Variants in SYNPO2 observed in about 807,000 individuals in gnomAD.
SYNPO2 encodes the protein synaptopodin 2, also known as synaptopodin-2.
In SYNPO2, 56 loss-of-function variants were observed where a neutral mutation model predicts 85.0. The observed-to-expected ratio is 0.66, with a 90% CI of 0.53 to 0.82. The LOEUF is 0.82. SYNPO2 is among the 40% of genes least tolerant of loss of function. SYNPO2 has a pLI of 0.00. For synonymous variants in SYNPO2, 602 were observed against 591.1 expected, an observed-to-expected ratio of 1.02 and a Z score of -0.27; for missense variants, 1,575 against 1,534.2, an observed-to-expected ratio of 1.03 and a Z score of -0.44.
chr4:118,930,639 G>GT (rs1441920492), intron 1 of SYNPO2, among the ~76,000 whole-genome samples: 1 of 151,778 alleles, frequency 6.6e-6, no homozygotes, highest in Non-Finnish European at 1.5e-5. Context: ...CATATGCTGG[G>GT]TGAGGTGGCT....
chr4:119,015,107 T>G (rs1737477973), intron 1 of SYNPO2, among the ~76,000 whole-genome samples: 3 of 152,214 alleles, frequency 2.0e-5, no homozygotes, highest in African/African-American at 7.2e-5. Context: ...ATGTATCTTA[T>G]ATGTATTATA....
intron 2 of SYNPO2, 44 bp downstream of exon 2, chr4:119,023,625 A>T: frequency 6.3e-7 from 1 of 1,585,530 alleles, no homozygotes; most frequent in Non-Finnish European, 8.6e-7. Context: ...TTGAAGCTAC[A>T]TGGGAATGAT....
intron 1 of SYNPO2, among the ~76,000 whole-genome samples, chr4:118,909,908 G>A (rs770222539): frequency 8.5e-5 from 13 of 152,116 alleles, no homozygotes; most frequent in Non-Finnish European, 1.2e-4. Context: ...AGACGACACC[G>A]CAGTTGTACA....
intron 1 of SYNPO2, among the ~76,000 whole-genome samples, chr4:118,879,257 A>G (rs548793493): frequency 2.0e-5 from 3 of 152,188 alleles, no homozygotes; most frequent in South Asian, 2.1e-4. Context: ...CCATGAACCC[A>G]CTGGAATGAA....
At chr4:118,998,123 A>G (rs959913650) in intron 1 of SYNPO2, among the ~76,000 whole-genome samples, 1 of 152,350 alleles carries the variant, frequency 6.6e-6, no homozygotes, top group Admixed American at 6.5e-5. Context: ...TTTTTCAAAA[A>G]GTATGTGTCA....
chr4:119,058,079 T>C lies in SYNPO2; in HGVS notation c.*145T>C, dbSNP rs1456034919. 1.6e-5 allele frequency: 5 copies of C among 312,572 alleles called. No homozygotes were observed. Among genetic ancestry groups the C allele is most frequent in the Non-Finnish European group, 2.0e-5 (4 of 201,414 alleles). The allele number at this position is 312,572 out of a possible 1,614,324, so 19.4% of individuals were successfully genotyped here. A position where few individuals can be genotyped will look rare whatever the true frequency, so the allele number is the denominator to read the frequency against. On this transcript the variant is annotated 3_prime_UTR_variant, in exon 5 of 5. Transcript: ENST00000307142. The stretch of plus-strand genomic sequence containing the variant: ...TCATTTATCTAAGTTTGTGTTTCTG[T>C]GTGTGTGTGTGTGTGTGTATGTATG...
chr4:118,854,536 T>C (rs1278114117), intron 1 of SYNPO2, among the ~76,000 whole-genome samples: 1 of 152,192 alleles, frequency 6.6e-6, no homozygotes, highest in Non-Finnish European at 1.5e-5. Context: ...AAGAAACAGC[T>C]GATACTATTG....
intron 4 of SYNPO2, chr4:119,037,307 T>G: frequency 7.7e-7 from 1 of 1,295,962 alleles, no homozygotes; most frequent in Non-Finnish European, 9.8e-7. Flanking sequence ...AAAAAAAATT[T>G]TTAAATCAAA....
rs540067850 is a variant in SYNPO2, at chr4:118,895,879, C to T, written c.105+6738C>T. On this transcript the variant is annotated intron_variant, in intron 1 of 4. Coordinates refer to ENST00000307142, the MANE Select transcript of SYNPO2 (RefSeq NM_133477.3). ...GTTAATTAGTGTTTAAGAATATAAA[C>T]GAATTTATATATTTGGCTAAAAATA... Among the ~76,000 whole-genome samples the T allele has an allele frequency of 6.6e-5, 10 of 152,156 alleles. No homozygotes were observed. The South Asian group carries it at 1.9e-3, about 28-fold the overall frequency.
At chr4:118,905,490 A>G (rs1732903911) in intron 1 of SYNPO2, among the ~76,000 whole-genome samples, 1 of 152,048 alleles carries the variant, frequency 6.6e-6, no homozygotes, top group Non-Finnish European at 1.5e-5. Flanking sequence ...GAACACAGGA[A>G]GTCCGGCATA....
rs374588162 is a variant in SYNPO2 at position 118,941,003 on chromosome 4, C to T, written c.105+51862C>T. ...GTAAGTGAGTTTAAAATCACTGGGA[C>T]GTAATTTGTAAATGTTCCACCTGTA... On this transcript the variant is annotated intron_variant, in intron 1 of 4. Transcript: ENST00000307142. Among the ~76,000 whole-genome samples the T allele has an allele frequency of 1.4e-4, 21 of 152,236 alleles. No individual in the cohort carries two copies. In the East Asian group the frequency reaches 1.9e-3, roughly 14 times the overall value.
At chr4:118,856,172 C>G (rs930495980) in intron 1 of SYNPO2, among the ~76,000 whole-genome samples, 1 of 152,190 alleles carries the variant, frequency 6.6e-6, no homozygotes, top group Non-Finnish European at 1.5e-5. Context: ...TCAGCTTTAT[C>G]CTAAGTGCCT....
At chr4:118,949,668 G>C (rs918256947) in intron 1 of SYNPO2, among the ~76,000 whole-genome samples, 2 of 151,812 alleles carry the variant, frequency 1.3e-5, no homozygotes, top group African/African-American at 4.8e-5. Flanking sequence ...AGAGTCGCTT[G>C]AACCCAGGAA....
At chr4:119,019,364 G>T (rs534736871) in intron 1 of SYNPO2, among the ~76,000 whole-genome samples, 11 of 152,250 alleles carry the variant, frequency 7.2e-5, no homozygotes, top group African/African-American at 2.4e-4. Context: ...CTCACTCAGG[G>T]TCTAATATAT....
intron 1 of SYNPO2, among the ~76,000 whole-genome samples, chr4:118,895,552 G>C (rs570360062): frequency 8.5e-5 from 13 of 152,214 alleles, no homozygotes; most frequent in Non-Finnish European, 1.9e-4. Context: ...AGGAAATCAG[G>C]CTTCTGATAA....
chr4:119,059,519 A>G lies in SYNPO2; in HGVS notation c.*1585A>G, dbSNP rs1186890886. On this transcript the variant is annotated 3_prime_UTR_variant, in exon 5 of 5. Coordinates refer to ENST00000307142, the MANE Select transcript of SYNPO2 (RefSeq NM_133477.3). Reference sequence around the variant, plus strand: ...CGAACTGTTAAATATAAAAAAATTCAAAGTATTTGACATCTTAAGCAAATA... The same window carrying G: ...CGAACTGTTAAATATAAAAAAATTCGAAGTATTTGACATCTTAAGCAAATA... 2 of 152,302 alleles carry G rather than the reference A, an allele frequency of 1.3e-5. No individual in the cohort carries two copies. The highest frequency in any genetic ancestry group is 6.5e-5 in the Admixed American group (1 of 15,292). The allele number at this position is 152,302 out of a possible 1,614,324, so 9.4% of individuals were successfully genotyped here. A position where few individuals can be genotyped will look rare whatever the true frequency, so the allele number is the denominator to read the frequency against.
intron 1 of SYNPO2, among the ~76,000 whole-genome samples, chr4:118,898,174 C>A (rs1278219569): frequency 6.6e-6 from 1 of 152,054 alleles, no homozygotes; most frequent in East Asian, 1.9e-4. Context: ...TTTTGTCATG[C>A]AGTTCAAGAC....
chr4:119,044,775 G>T (rs534220926), intron 4 of SYNPO2, among the ~76,000 whole-genome samples: 1 of 152,296 alleles, frequency 6.6e-6, no homozygotes, highest in Non-Finnish European at 1.5e-5. Flanking sequence ...ATTAATCAAA[G>T]GTTCCATTTA....
At chr4:118,880,779 A>G (rs1406901737) in intron 1 of SYNPO2, among the ~76,000 whole-genome samples, 1 of 151,582 alleles carries the variant, frequency 6.6e-6, no homozygotes, top group Non-Finnish European at 1.5e-5. Context: ...GCAAGCTACT[A>G]TTTAAATTTT....
Sources: allele counts gnomAD v4.1 joint callset (sites outside exome capture counted in the v4.1 genomes callset), GRCh38; gene constraint gnomAD v4.1.1; transcripts MANE v1.5; gene names NCBI Gene and HGNC (gene_info 2026-07-23, HGNC 2026-07-21).